The following EXOC4 variants were observed in gnomAD, a reference collection of about 807,000 sequenced individuals.
The protein encoded by EXOC4 is SEC8-like 1.
EXOC4 carries 71 observed loss-of-function variants against 107.2 expected under a neutral mutation model. The ratio of observed to expected loss-of-function variants is 0.66; its 90% CI spans 0.55 to 0.81. EXOC4 has a LOEUF of 0.81. EXOC4 is among the 30% of genes least tolerant of loss of function. The pLI is 0.00. For missense variants in EXOC4, 1,108 were observed against 1,189.6 expected, an observed-to-expected ratio of 0.93 and a Z score of 1.01; for synonymous variants, 456 against 441.2, an observed-to-expected ratio of 1.03 and a Z score of -0.42.
intron 10 of EXOC4, among the ~76,000 whole-genome samples, chr7:133,643,565 A>G (rs1363867663): frequency 1.3e-5 from 2 of 152,158 alleles, no homozygotes; most frequent in Non-Finnish European, 2.9e-5. Context: ...ATCTCCTGAG[A>G]TCATACATAA....
intron 10 of EXOC4, among the ~76,000 whole-genome samples, chr7:133,632,178 C>CT (rs1802607694): frequency 2.0e-5 from 3 of 152,212 alleles, no homozygotes; most frequent in Admixed American, 2.0e-4. Context: ...TTGACAGCTA[C>CT]TTGTTAAGTC....
chr7:133,586,049 G>C (rs537732678), intron 9 of EXOC4, among the ~76,000 whole-genome samples: 1 of 152,138 alleles, frequency 6.6e-6, no homozygotes, highest in Non-Finnish European at 1.5e-5. Flanking sequence ...AAGGAGGAAA[G>C]GCAGGCATGA....
intron 5 of EXOC4, among the ~76,000 whole-genome samples, chr7:133,318,374 T>C (rs1405522158): frequency 6.6e-6 from 1 of 152,196 alleles, no homozygotes; most frequent in Non-Finnish European, 1.5e-5. Flanking sequence ...TCAGCTCAAC[T>C]GGGCTTGGAG....
At chr7:133,707,068 C>CTT (rs1215548672) in intron 10 of EXOC4, among the ~76,000 whole-genome samples, 17 of 142,808 alleles carry the variant, frequency 1.2e-4, no homozygotes, top group Non-Finnish European at 2.2e-4. Flanking sequence ...ATTAAGTGGC[C>CTT]TTTTTTTTTT....
At chr7:133,377,279 A>G (rs1223514893) in intron 7 of EXOC4, among the ~76,000 whole-genome samples, 1 of 152,054 alleles carries the variant, frequency 6.6e-6, no homozygotes, top group Admixed American at 6.6e-5. Context: ...GCTTGAACCT[A>G]GGAGGTGGAG....
intron 11 of EXOC4, among the ~76,000 whole-genome samples, chr7:133,882,344 G>C (rs1040952817): frequency 5.3e-5 from 8 of 152,140 alleles, no homozygotes; most frequent in Admixed American, 2.0e-4. Context: ...CATTAGACCT[G>C]CTTTTTGTCC....
intron 7 of EXOC4, among the ~76,000 whole-genome samples, chr7:133,456,793 G>T (rs1046840761): frequency 6.6e-6 from 1 of 152,176 alleles, no homozygotes; most frequent in Non-Finnish European, 1.5e-5. Flanking sequence ...GATACTTGTG[G>T]TGTGTAGCAC....
At chr7:133,780,856 A>G (rs886752528) in intron 10 of EXOC4, among the ~76,000 whole-genome samples, 1 of 152,178 alleles carries the variant, frequency 6.6e-6, no homozygotes, top group African/African-American at 2.4e-5. Flanking sequence ...CCCTGTTAGC[A>G]TGTTGGTATT....
intron 11 of EXOC4, among the ~76,000 whole-genome samples, chr7:133,855,165 A>ATTTTTT (rs374810348): frequency 1.5e-5 from 2 of 136,632 alleles, no homozygotes; most frequent in African/African-American, 5.9e-5. Flanking sequence ...AAATATATAT[A>ATTTTTT]TTTTTTTTAT....
intron 10 of EXOC4, among the ~76,000 whole-genome samples, chr7:133,682,805 A>G (rs909124750): frequency 2.6e-5 from 4 of 152,236 alleles, no homozygotes; most frequent in Non-Finnish European, 4.4e-5. Flanking sequence ...TGAGGCTCTC[A>G]GTCAAAATGA....
intron 10 of EXOC4, among the ~76,000 whole-genome samples, chr7:133,682,556 G>A (rs1794210877): frequency 6.6e-6 from 1 of 152,114 alleles, no homozygotes; most frequent in Non-Finnish European, 1.5e-5. Flanking sequence ...ATCTTTATCA[G>A]CAGCATCAAA....
In EXOC4 at chr7:133,678,955, G is replaced by A. The variant is rs560548684; in HGVS notation, c.1514+48814G>A. Reference sequence around the variant, plus strand: ...GTCTTTATGGCTCCTCGTCCTGCCTGGTTAATCTCATACTTCTTTCAATTA... The same window carrying A: ...GTCTTTATGGCTCCTCGTCCTGCCTAGTTAATCTCATACTTCTTTCAATTA... On this transcript the variant is annotated intron_variant, in intron 10 of 17. Coordinates refer to ENST00000253861, the MANE Select transcript of EXOC4 (RefSeq NM_021807.4). 8.6e-5 allele frequency among the ~76,000 whole-genome samples: 13 copies of A among 151,976 alleles called. No individual in the cohort carries two copies. The South Asian group carries it at 2.3e-3, about 27-fold the overall frequency.
At chr7:133,444,599 G>T (rs1218251268) in intron 7 of EXOC4, among the ~76,000 whole-genome samples, 1 of 152,128 alleles carries the variant, frequency 6.6e-6, no homozygotes, top group Non-Finnish European at 1.5e-5. Context: ...AGCACTGTAG[G>T]GTGTGATTTG....
chr7:134,060,707 C>A (rs1410416032), intron 17 of EXOC4, among the ~76,000 whole-genome samples: 1 of 152,062 alleles, frequency 6.6e-6, no homozygotes, highest in Non-Finnish European at 1.5e-5. Flanking sequence ...CTGGTAGCAC[C>A]CTTTCCCCAC....
intron 10 of EXOC4, among the ~76,000 whole-genome samples, chr7:133,736,762 A>G (rs1438645313): frequency 6.6e-6 from 1 of 152,076 alleles, no homozygotes; most frequent in East Asian, 1.9e-4. Context: ...AGTTGTTCTA[A>G]TCTATGTAGT....
chr7:133,448,210 A>G (rs559227070), intron 7 of EXOC4, among the ~76,000 whole-genome samples: 108 of 152,240 alleles, frequency 7.1e-4, no homozygotes, highest in African/African-American at 2.4e-3. Flanking sequence ...CAGTCTAGTT[A>G]GATAACTAAT....
intron 10 of EXOC4, among the ~76,000 whole-genome samples, chr7:133,803,144 C>G (rs1202640197): frequency 2.6e-5 from 4 of 152,112 alleles, no homozygotes; most frequent in Admixed American, 6.5e-5. Flanking sequence ...TTAAAATAAA[C>G]TGTGTTAGAA....
intron 10 of EXOC4, among the ~76,000 whole-genome samples, chr7:133,767,686 G>A (rs1409745016): frequency 6.6e-6 from 1 of 152,002 alleles, no homozygotes; most frequent in African/African-American, 2.4e-5. Context: ...GGTAACTGCT[G>A]TCCATGAAAT....
chr7:133,436,603 C>T (rs1413408089), intron 7 of EXOC4, among the ~76,000 whole-genome samples: 1 of 151,954 alleles, frequency 6.6e-6, no homozygotes, highest in Non-Finnish European at 1.5e-5. Flanking sequence ...GTTTTGGGGA[C>T]CTGATCAAAG....
Sources: allele counts gnomAD v4.1 joint callset (sites outside exome capture counted in the v4.1 genomes callset), GRCh38; gene constraint gnomAD v4.1.1; transcripts MANE v1.5; gene names NCBI Gene and HGNC (gene_info 2026-07-23, HGNC 2026-07-21).